PNPLA1: variants seen among roughly 807,000 people sequenced by gnomAD.
PNPLA1 encodes the protein patatin like domain 1, omega-hydroxyceramide transacylase.
In PNPLA1, 36 loss-of-function variants were observed where a neutral mutation model predicts 51.7. The observed-to-expected ratio is 0.70, with a 90% CI of 0.53 to 0.92. PNPLA1 has a LOEUF of 0.92. PNPLA1 is among the 40% of genes least tolerant of loss of function. The pLI, the probability that PNPLA1 is intolerant of heterozygous loss-of-function variation, is 0.00. For missense variants in PNPLA1, 658 were observed against 682.5 expected, an observed-to-expected ratio of 0.96 and a Z score of 0.40; for synonymous variants, 293 against 280.1, an observed-to-expected ratio of 1.05 and a Z score of -0.46.
chr6:36,274,326 T>A (rs1477842728), intron 1 of PNPLA1, among the ~76,000 whole-genome samples: 1 of 152,132 alleles, frequency 6.6e-6, no homozygotes, highest in Non-Finnish European at 1.5e-5. Flanking sequence ...CAATGCGATG[T>A]TAAGGGGTGA....
chr6:36,300,274 A>G (rs942347701), intron 5 of PNPLA1, among the ~76,000 whole-genome samples: 13 of 150,756 alleles, frequency 8.6e-5, no homozygotes, highest in African/African-American at 3.2e-4. Context: ...GGCTCACTGC[A>G]AGCTCCACCT....
chr6:36,282,044 GGAAAGAAAGAAAGAAAGAAAGAAA>G (rs553265176), intron 1 of PNPLA1, among the ~76,000 whole-genome samples: 1 of 34,542 alleles, frequency 2.9e-5, no homozygotes, highest in Non-Finnish European at 5.0e-5. Flanking sequence ...AAAGAAAGAA[GGAAAGAAAGAAAGAAAGAAAGAAA>G]GAAAGAAAGA....
chr6:36,248,711 G>C (rs1769357759), intron 1 of PNPLA1, among the ~76,000 whole-genome samples: 1 of 152,076 alleles, frequency 6.6e-6, no homozygotes, highest in Non-Finnish European at 1.5e-5. Flanking sequence ...CAGAGACAAG[G>C]TTTCACCATG....
At chr6:36,257,907 T>C (rs1433799731) in intron 1 of PNPLA1, among the ~76,000 whole-genome samples, 2 of 152,254 alleles carry the variant, frequency 1.3e-5, no homozygotes, top group Non-Finnish European at 2.9e-5. Flanking sequence ...TTTGTGTTTA[T>C]TTGTTTTAGC....
chr6:36,293,644 T>A (rs1002689047), intron 3 of PNPLA1, among the ~76,000 whole-genome samples: 1 of 152,160 alleles, frequency 6.6e-6, no homozygotes, highest in Non-Finnish European at 1.5e-5. Flanking sequence ...TGAGTGGTGA[T>A]GGTCTAGCTC....
chr6:36,302,555 T>G, intron 6 of PNPLA1, 86 bp downstream of exon 6: 1 of 1,483,192 alleles, frequency 6.7e-7, no homozygotes, highest in African/African-American at 1.4e-5. Context: ...GATAACCGCT[T>G]CTTTAGGGGT....
intron 8 of PNPLA1, chr6:36,308,393 A>T (rs1409401802): frequency 1.3e-5 from 2 of 152,208 alleles, no homozygotes; most frequent in African/African-American, 4.8e-5. Flanking sequence ...AAAACAAAAC[A>T]AAACTAGACA....
chr6:36,284,819 T>C (rs1057047120), intron 1 of PNPLA1, among the ~76,000 whole-genome samples: 1 of 152,208 alleles, frequency 6.6e-6, no homozygotes, highest in African/African-American at 2.4e-5. Flanking sequence ...AGCTGTTTTA[T>C]ATATTGGGTT....
At chr6:36,248,322 T>G (rs1365634924) in intron 1 of PNPLA1, among the ~76,000 whole-genome samples, 1 of 152,182 alleles carries the variant, frequency 6.6e-6, no homozygotes, top group Non-Finnish European at 1.5e-5. Flanking sequence ...GGGCCCTGCA[T>G]GTAGCACCTC....
chr6:36,297,677 G>A (rs1379991378), intron 5 of PNPLA1, among the ~76,000 whole-genome samples: 2 of 152,214 alleles, frequency 1.3e-5, no homozygotes, highest in Non-Finnish European at 2.9e-5. Flanking sequence ...GCAGGCTGGC[G>A]TGCTTGAAAA....
At chr6:36,255,281 G>A (rs111493035) in intron 1 of PNPLA1, among the ~76,000 whole-genome samples, 6,109 of 152,058 alleles carry the variant, frequency 0.04, 236 homozygotes, top group African/African-American at 0.1. Context: ...GAGGTGAGTG[G>A]ATCACCTGAG....
intron 6 of PNPLA1, 34 bp from the exon 7 acceptor site, chr6:36,306,258 A>G (rs2127355212): frequency 6.5e-7 from 1 of 1,538,786 alleles, no homozygotes; most frequent in Non-Finnish European, 8.9e-7. Context: ...CCCCCTCCCC[A>G]TCTCACTCCC....
intron 1 of PNPLA1, among the ~76,000 whole-genome samples, chr6:36,247,584 G>A (rs1342574078): frequency 6.6e-6 from 1 of 152,180 alleles, no homozygotes; most frequent in Non-Finnish European, 1.5e-5. Flanking sequence ...TTCTAGGTGT[G>A]GAGAAAGATC....
intron 1 of PNPLA1, among the ~76,000 whole-genome samples, chr6:36,275,040 T>A (rs1770047441): frequency 6.6e-6 from 1 of 152,240 alleles, no homozygotes; most frequent in Non-Finnish European, 1.5e-5. Flanking sequence ...ATTTTAATGC[T>A]GTCAAATGTA....
chr6:36,263,550 T>C (rs1035422233), intron 1 of PNPLA1, among the ~76,000 whole-genome samples: 3 of 152,190 alleles, frequency 2.0e-5, no homozygotes, highest in Non-Finnish European at 2.9e-5. Context: ...TGATTAGGAC[T>C]CTTATAAACA....
intron 1 of PNPLA1, among the ~76,000 whole-genome samples, chr6:36,276,516 G>A (rs557706633): frequency 6.6e-6 from 1 of 152,218 alleles, no homozygotes; most frequent in Non-Finnish European, 1.5e-5. Context: ...AGGAGGGGTG[G>A]TCTCCGTGAT....
chr6:36,290,500 C>T (rs569942682), intron 1 of PNPLA1, among the ~76,000 whole-genome samples: 2 of 152,182 alleles, frequency 1.3e-5, no homozygotes, highest in Non-Finnish European at 2.9e-5. Context: ...CCTCAGTTTC[C>T]TGATCAGTAA....
At chr6:36,250,823 C>A (rs981171655) in intron 1 of PNPLA1, among the ~76,000 whole-genome samples, 6 of 152,118 alleles carry the variant, frequency 3.9e-5, no homozygotes, top group Admixed American at 3.3e-4. Context: ...CCTGCCTCAG[C>A]CTCCCAAGTA....
chr6:36,247,192 G>A (rs1324751468), intron 1 of PNPLA1, among the ~76,000 whole-genome samples: 1 of 151,894 alleles, frequency 6.6e-6, no homozygotes, highest in Non-Finnish European at 1.5e-5. Flanking sequence ...TTTCCGGCTC[G>A]TGCCTTGGAG....
Sources: allele counts gnomAD v4.1 joint callset (sites outside exome capture counted in the v4.1 genomes callset), GRCh38; gene constraint gnomAD v4.1.1; transcripts MANE v1.5; gene names NCBI Gene and HGNC (gene_info 2026-07-23, HGNC 2026-07-21).